The following MTHFD1L variants were observed in gnomAD, a reference collection of about 807,000 sequenced individuals.
MTHFD1L encodes the protein monofunctional C1-tetrahydrofolate synthase, mitochondrial.
A neutral mutation model predicts 119.5 loss-of-function variants in MTHFD1L; 81 were observed. That is an observed-to-expected ratio of 0.68 (90% CI 0.57 to 0.82). MTHFD1L has a LOEUF of 0.82. Among genes scored for constraint, MTHFD1L ranks in the 40% least tolerant of loss-of-function variants. The probability of loss-of-function intolerance (pLI) is 0.00; values close to 1 mark genes in which losing one functional copy is unlikely to be tolerated. For synonymous variants in MTHFD1L, 430 were observed against 475.2 expected (o/e 0.90, Z 1.24); for missense variants, 1,125 against 1,253.4 (o/e 0.90, Z 1.55).
At chr6:151,038,642 G>A (rs553482855) in intron 26 of MTHFD1L, among the ~76,000 whole-genome samples, 2 of 152,186 alleles carry the variant, frequency 1.3e-5, no homozygotes, top group South Asian at 4.2e-4. Context: ...AATAGCTCTG[G>A]CAGCAATATG....
Position 150,938,715 on chromosome 6 carries a change from T to C in MTHFD1L, c.1410T>C (p.Gly470=), listed in dbSNP as rs1792555766. The change falls in exon 13 of 28, where the codon GGT becomes GGC. Residue 470 remains glycine (G), a synonymous_variant. Coordinates refer to ENST00000367321, the MANE Select transcript of MTHFD1L (RefSeq NM_015440.5). Reference sequence around the variant, plus strand: ...GTTGTTTAGGAGGAGCCGCGGGTGGTGGATATGCCCAGGTCATCCCCATGG... The same window carrying C: ...GTTGTTTAGGAGGAGCCGCGGGTGGCGGATATGCCCAGGTCATCCCCATGG... ...TFGVKGGAAG[G]GYAQVIPMEE... 6.2e-7 allele frequency: 1 copy of C among 1,610,882 alleles called. No homozygotes were observed. The highest frequency in any genetic ancestry group is 1.7e-4 in the Middle Eastern group (1 of 5,976).
At chr6:150,960,702 G>A (rs1796308890) in intron 18 of MTHFD1L, among the ~76,000 whole-genome samples, 1 of 152,058 alleles carries the variant, frequency 6.6e-6, no homozygotes, top group African/African-American at 2.4e-5. Flanking sequence ...CCTGGGCTGG[G>A]GAGGAGTCAC....
At chr6:150,918,761 A>G in intron 9 of MTHFD1L, 93 bp downstream of exon 9, 2 of 963,014 alleles carry the variant, frequency 2.1e-6, no homozygotes, top group Non-Finnish European at 3.3e-6. Flanking sequence ...TACCAGGTAC[A>G]GTGTTAAACA....
At position 151,031,609 on chromosome 6, in the gene MTHFD1L, A is replaced by G. The variant is rs1584231728; in HGVS notation, c.2587-2884A>G. ...AAGATTACTAATCTTTTGACTTTAT[A>G]AATACTTGCATATATCTTCTTCCAG... On this transcript the variant is annotated intron_variant, in intron 24 of 27. Coordinates refer to ENST00000367321, the MANE Select transcript of MTHFD1L (RefSeq NM_015440.5). Among the ~76,000 whole-genome samples, 3 of 152,344 alleles carry G rather than the reference A, an allele frequency of 2.0e-5. No homozygotes were observed. The South Asian group carries it at 6.2e-4, about 32-fold the overall frequency.
chr6:151,075,066 C>T (rs1381152601), intron 26 of MTHFD1L, among the ~76,000 whole-genome samples: 1 of 151,482 alleles, frequency 6.6e-6, no homozygotes, highest in Non-Finnish European at 1.5e-5. Context: ...AAAAATAATC[C>T]AGAGGAAGCA....
intron 24 of MTHFD1L, among the ~76,000 whole-genome samples, chr6:151,020,753 T>C (rs187517694): frequency 2.4e-4 from 36 of 152,344 alleles, no homozygotes; most frequent in Admixed American, 2.4e-3. Flanking sequence ...CTCAAGATCA[T>C]CTTCTCTTTG....
intron 20 of MTHFD1L, among the ~76,000 whole-genome samples, chr6:150,982,700 CT>C (rs767679868): frequency 0.014 from 2,003 of 144,386 alleles, 18 homozygotes; most frequent in African/African-American, 0.026. Flanking sequence ...CCTGACACTT[CT>C]TTTTTTTTTT....
At chr6:151,099,325 G>A (rs1795155310) in intron 27 of MTHFD1L, among the ~76,000 whole-genome samples, 1 of 152,094 alleles carries the variant, frequency 6.6e-6, no homozygotes, top group African/African-American at 2.4e-5. Context: ...GCCAAGCCAA[G>A]GGTCATCTCT....
chr6:150,971,301 G>A (rs578503), intron 19 of MTHFD1L, among the ~76,000 whole-genome samples: 74,829 of 151,962 alleles, frequency 0.49, 19,671 homozygotes, highest in African/African-American at 0.65. Flanking sequence ...GGTTCAAGCT[G>A]TTCTTGTGCT....
chr6:150,969,153 T>G (rs1236537635), intron 19 of MTHFD1L, among the ~76,000 whole-genome samples: 1 of 151,694 alleles, frequency 6.6e-6, no homozygotes, highest in Non-Finnish European at 1.5e-5. Context: ...AGCAAATTTT[T>G]GTATTTTTAG....
chr6:150,893,498 G>A (rs902313672), intron 7 of MTHFD1L, among the ~76,000 whole-genome samples: 1 of 152,192 alleles, frequency 6.6e-6, no homozygotes, highest in Non-Finnish European at 1.5e-5. Flanking sequence ...TTAGGATTAT[G>A]GCTACTAAGT....
intron 26 of MTHFD1L, among the ~76,000 whole-genome samples, chr6:151,085,159 GA>G (rs199675571): frequency 0.012 from 1,851 of 151,640 alleles, 16 homozygotes; most frequent in Non-Finnish European, 0.019. Context: ...AGCAGTATTA[GA>G]AGTGGAGGAC....
At chr6:150,898,992 T>G in intron 7 of MTHFD1L, 1 of 1,022,564 alleles carries the variant, frequency 9.8e-7, no homozygotes, top group Non-Finnish European at 1.2e-6. Flanking sequence ...AGTATATCCA[T>G]TCCCAGAATG....
At chr6:151,022,047 T>C (rs1217326116) in intron 24 of MTHFD1L, 1 of 471,118 alleles carries the variant, frequency 2.1e-6, no homozygotes, top group East Asian at 6.9e-5. Flanking sequence ...TTGATCCCAG[T>C]GGGGGCTGGA....
chr6:150,948,776 G>T (rs2128968935), intron 15 of MTHFD1L, among the ~76,000 whole-genome samples: 1 of 147,484 alleles, frequency 6.8e-6, no homozygotes, highest in Non-Finnish European at 1.5e-5. Flanking sequence ...AAGTAGCTGG[G>T]ATTACAGGCA....
At chr6:150,994,453 G>A (rs1370749119) in intron 20 of MTHFD1L, among the ~76,000 whole-genome samples, 1 of 151,870 alleles carries the variant, frequency 6.6e-6, no homozygotes, top group African/African-American at 2.4e-5. Context: ...CTGTCAGCGT[G>A]ACGACAGTTC....
At chr6:150,895,297 G>A (rs1329350546) in intron 7 of MTHFD1L, among the ~76,000 whole-genome samples, 2 of 152,228 alleles carry the variant, frequency 1.3e-5, no homozygotes, top group Non-Finnish European at 2.9e-5. Context: ...ACAAGGTGGA[G>A]TGGTGCCCTC....
intron 8 of MTHFD1L, 68 bp downstream of exon 8, chr6:150,905,829 T>C: frequency 8.2e-7 from 1 of 1,226,882 alleles, no homozygotes; most frequent in Non-Finnish European, 1.2e-6. Context: ...GTTAACCTTT[T>C]CCTAAGAGGT....
At chr6:151,078,625 G>A (rs1700991591) in intron 26 of MTHFD1L, among the ~76,000 whole-genome samples, 1 of 152,106 alleles carries the variant, frequency 6.6e-6, no homozygotes, top group South Asian at 2.1e-4. Context: ...TCAGCTGGAG[G>A]CCACACCCAG....
Sources: gnomAD v4.1 joint callset for allele counts (sites outside exome capture counted in the v4.1 genomes callset) on GRCh38, gnomAD v4.1.1 for gene constraint, MANE v1.5 for transcripts, NCBI Gene and HGNC (gene_info 2026-07-23, HGNC 2026-07-21) for gene names.